CRYBG3: variants seen among roughly 807,000 people sequenced by gnomAD.
The protein encoded by CRYBG3 is crystallin beta-gamma domain containing 3.
In CRYBG3, 127 loss-of-function variants were observed where a neutral mutation model predicts 244.2. The observed-to-expected ratio is 0.52, with a 90% CI of 0.45 to 0.60. CRYBG3 has a LOEUF of 0.60. Among genes scored for constraint, CRYBG3 ranks in the 20% least tolerant of loss-of-function variants. The pLI, the probability that CRYBG3 is intolerant of heterozygous loss-of-function variation, is 0.00. For missense variants in CRYBG3, 3,325 were observed against 3,442.5 expected, an observed-to-expected ratio of 0.97 and a Z score of 0.85; for synonymous variants, 1,132 against 1,195.8, an observed-to-expected ratio of 0.95 and a Z score of 1.10.
intron 17 of CRYBG3, among the ~76,000 whole-genome samples, chr3:97,917,216 T>C (rs2039937964): frequency 6.6e-6 from 1 of 150,928 alleles, no homozygotes; most frequent in African/African-American, 2.4e-5. Flanking sequence ...TCATGAAGTG[T>C]AAAATGAAAA....
rs2039310445 is a variant in CRYBG3 at position 97,872,035 on chromosome 3, C to T, written c.841C>T (p.Pro281Ser). 9 of 1,535,554 alleles carry T rather than the reference C, an allele frequency of 5.9e-6. No individual in the cohort carries two copies. Among genetic ancestry groups the T allele is most frequent in the African/African-American group, 5.5e-5 (4 of 73,122 alleles). Residue 281 changes from proline (P) to serine (S), a missense_variant, in exon 4 of 22, where the codon CCA becomes TCA. Physicochemically the swap from Pro to Ser is moderately conservative, Grantham distance 74. Coordinates refer to ENST00000389622, the MANE Select transcript of CRYBG3 (RefSeq NM_153605.4). ...PGSEIEAGVLPLLLSASTDSS... is the reference protein window; with the variant it reads ...PGSEIEAGVLSLLLSASTDSS... ...AAGTGAGATTGAGGCTGGGGTACTG[C>T]CACTGTTGTTATCAGCTAGTACAGA...
In CRYBG3 at chr3:97,943,376, G is replaced by T; in HGVS notation, c.*62G>T. The T allele has an allele frequency of 1.0e-6, 1 of 957,652 alleles. No homozygotes were observed. 59.3% of individuals were successfully genotyped at this position (957,652 alleles called of 1,614,324 possible). A position where few individuals can be genotyped will look rare whatever the true frequency, so the allele number is the denominator to read the frequency against. Reference sequence around the variant, plus strand: ...CAAAGAAGGAAACACATCTGTCATTGTCTTGTGGACGTGGAAAGGAAGCTA... The same window carrying T: ...CAAAGAAGGAAACACATCTGTCATTTTCTTGTGGACGTGGAAAGGAAGCTA... On this transcript the variant is annotated 3_prime_UTR_variant, in exon 22 of 22. Coordinates refer to ENST00000389622, the MANE Select transcript of CRYBG3 (RefSeq NM_153605.4).
At chr3:97,880,580 A>AT (rs1195672801) in intron 6 of CRYBG3, among the ~76,000 whole-genome samples, 4 of 152,222 alleles carry the variant, frequency 2.6e-5, no homozygotes, top group Non-Finnish European at 4.4e-5. Context: ...ACCATGACCC[A>AT]TGGACATGCT....
chr3:97,892,175 A>C (rs1408552635), intron 10 of CRYBG3, among the ~76,000 whole-genome samples: 1 of 152,170 alleles, frequency 6.6e-6, no homozygotes, highest in Non-Finnish European at 1.5e-5. Flanking sequence ...CTCTGCTCTT[A>C]TCTGCAGCTG....
At chr3:97,915,487 G>A (rs1040666722) in intron 16 of CRYBG3, 123 bp from the exon 17 acceptor site, 40 of 913,184 alleles carry the variant, frequency 4.4e-5, no homozygotes, top group Non-Finnish European at 6.4e-6. Flanking sequence ...TTTAAAGCTG[G>A]TGTGGTGGTG....
At chr3:97,924,406 A>G (rs1427280242) in intron 17 of CRYBG3, 1 of 453,778 alleles carries the variant, frequency 2.2e-6, no homozygotes, top group Non-Finnish European at 4.4e-6. Flanking sequence ...AATGAATAAG[A>G]AAAAGGTGAA....
chr3:97,856,791 GTCTTT>G (rs1345990158), intron 2 of CRYBG3, among the ~76,000 whole-genome samples: 10 of 151,760 alleles, frequency 6.6e-5, no homozygotes, highest in Non-Finnish European at 1.5e-4. Flanking sequence ...TTTTACTTGG[GTCTTT>G]TCTTTTTTCT....
chr3:97,837,459 C>A (rs751195697), intron 1 of CRYBG3, among the ~76,000 whole-genome samples: 30 of 152,066 alleles, frequency 2.0e-4, no homozygotes, highest in Non-Finnish European at 2.6e-4. Context: ...TGCCCTGATT[C>A]TTTTTCCCTG....
chr3:97,898,106 A>G (rs775464066), intron 12 of CRYBG3, among the ~76,000 whole-genome samples: 7 of 151,858 alleles, frequency 4.6e-5, no homozygotes, highest in Non-Finnish European at 1.0e-4. Flanking sequence ...TGTAGTCCCA[A>G]CTACTCGGGA....
intron 19 of CRYBG3, among the ~76,000 whole-genome samples, chr3:97,937,297 T>C (rs2107104582): frequency 1.3e-5 from 2 of 152,198 alleles, no homozygotes; most frequent in East Asian, 3.9e-4. Context: ...AAAATAAGTA[T>C]TTATTGCACA....
In CRYBG3 at chr3:97,864,484, C is replaced by G. The variant is rs1051818921; in HGVS notation, c.484C>G (p.His162Asp). Residue 162 changes from histidine to aspartate, a missense_variant, in exon 3 of 22, where the codon CAT (histidine) becomes GAT (aspartate). Physicochemically the swap from His to Asp is moderately conservative, Grantham distance 81. Around this residue, in one of 4 missense-constraint regions of CRYBG3, gnomAD observed 1,526 missense variants for 1,443.2 expected, o/e 1.06. Coordinates refer to ENST00000389622, the MANE Select transcript of CRYBG3 (RefSeq NM_153605.4). ...TEKDLQNPSDHHEDGIKRERE... is the reference protein window; with the variant it reads ...TEKDLQNPSDDHEDGIKRERE... ...GAAGGATTTACAAAATCCCAGTGAC[C>G]ATCATGAAGACGGGATCAAAAGGGA... The G allele has an allele frequency of 2.0e-6, 3 of 1,535,744 alleles. No homozygotes were observed. Among genetic ancestry groups the G allele is most frequent in the African/African-American group, 2.7e-5 (2 of 72,986 alleles).
intron 2 of CRYBG3, 69 bp downstream of exon 2, chr3:97,843,330 T>C (rs1292890046): frequency 1.2e-6 from 1 of 804,468 alleles, no homozygotes; most frequent in Admixed American, 2.7e-5. Flanking sequence ...TCTTTTAGAT[T>C]CTGTCATCTT....
intron 21 of CRYBG3, 40 bp from the exon 22 acceptor site, chr3:97,943,186 C>A: frequency 8.5e-7 from 1 of 1,182,584 alleles, no homozygotes; most frequent in African/African-American, 1.5e-5. Context: ...TAAGCACCTG[C>A]CTGAACAAAT....
intron 3 of CRYBG3, among the ~76,000 whole-genome samples, chr3:97,870,376 T>C (rs1035046059): frequency 1.3e-5 from 2 of 152,210 alleles, no homozygotes; most frequent in African/African-American, 4.8e-5. Context: ...CTTCCACTTA[T>C]ATGTGAGAAC....
rs2039346851 is a variant in CRYBG3, at chr3:97,874,497, C to A, written c.3303C>A (p.Asn1101Lys). 1 of 1,533,828 alleles carries A rather than the reference C, an allele frequency of 6.5e-7. No homozygotes were observed. Among genetic ancestry groups the A allele is most frequent in the Non-Finnish European group, 8.7e-7 (1 of 1,146,036 alleles). ...CACATGAAGGTACCTCTGTAACTAA[C>A]CTGTTGTACCCTACTACCTCTTATT... Reference protein sequence around the residue: ...DLTHEGTSVTNLLYPTTSYLE... With the variant: ...DLTHEGTSVTKLLYPTTSYLE... The change falls in exon 4 of 22, where the codon AAC becomes AAA. Residue 1101 changes from asparagine to lysine, a missense_variant. This residue lies in a region of CRYBG3 where 1,526 missense variants were observed against 1,443.2 expected (regional missense o/e 1.06). Transcript: ENST00000389622.
rs2039367810 is a variant in CRYBG3, at chr3:97,876,073, A to G, written c.4879A>G (p.Thr1627Ala). The G allele has an allele frequency of 8.1e-7, 1 of 1,232,126 alleles. No homozygotes were observed. Among genetic ancestry groups the G allele is most frequent in the Non-Finnish European group, 1.0e-6 (1 of 987,954 alleles). The allele number at this position is 1,232,126 out of a possible 1,614,324, so 76.3% of individuals were successfully genotyped here. Residue 1627 changes from threonine to alanine, a missense_variant, in exon 4 of 22, where the codon ACT (threonine) becomes GCT (alanine). Transcript: ENST00000389622. Reference protein sequence around the residue: ...GMEKAYKMKDTEGDIGKIEVI... With the variant: ...GMEKAYKMKDAEGDIGKIEVI... Reference sequence around the variant, plus strand: ...GGAAAAAGCTTATAAGATGAAGGATACTGAAGGGGATATTGGCAAAATTGA... The same window carrying G: ...GGAAAAAGCTTATAAGATGAAGGATGCTGAAGGGGATATTGGCAAAATTGA...
chr3:97,847,308 G>T (rs2038918133), intron 2 of CRYBG3, among the ~76,000 whole-genome samples: 1 of 152,114 alleles, frequency 6.6e-6, no homozygotes, highest in South Asian at 2.1e-4. Flanking sequence ...ATACTCTTTT[G>T]CTGTCATTTT....
intron 2 of CRYBG3, among the ~76,000 whole-genome samples, chr3:97,851,755 A>G (rs1219515386): frequency 6.6e-6 from 1 of 152,148 alleles, no homozygotes; most frequent in Non-Finnish European, 1.5e-5. Context: ...AGGCAATGCC[A>G]GGGGGCTTGG....
chr3:97,928,522 T>C (rs2040064208), intron 17 of CRYBG3, among the ~76,000 whole-genome samples: 1 of 151,878 alleles, frequency 6.6e-6, no homozygotes, highest in South Asian at 2.1e-4. Context: ...TTTATCCATG[T>C]AACAACCCTG....
Sources: allele counts gnomAD v4.1 joint callset (sites outside exome capture counted in the v4.1 genomes callset), GRCh38; gene constraint gnomAD v4.1.1; regional missense constraint gnomAD v4.1.1; transcripts MANE v1.5; gene names NCBI Gene and HGNC (gene_info 2026-07-23, HGNC 2026-07-21).